The following SLC50A1 variants were observed in gnomAD, a reference collection of about 807,000 sequenced individuals.
SLC50A1 encodes the protein sugar transporter SWEET1.
A neutral mutation model predicts 28.9 loss-of-function variants in SLC50A1; 22 were observed. The observed-to-expected ratio is 0.76, with a 90% CI of 0.54 to 1.09. The LOEUF is 1.09. Ranked by LOEUF, SLC50A1 falls within the 50% of genes least tolerant of loss-of-function variation. The pLI is 0.00. For synonymous variants in SLC50A1, 96 were observed against 110.6 expected (o/e 0.87, Z 0.83); for missense variants, 233 against 273.4 (o/e 0.85, Z 1.04).
chr1:155,137,655 T>A lies in SLC50A1; in HGVS notation c.377T>A (p.Leu126His). The A allele has an allele frequency of 6.2e-7, 1 of 1,614,194 alleles. No homozygotes were observed. Among genetic ancestry groups the A allele is most frequent in the Non-Finnish European group, 8.5e-7 (1 of 1,180,030 alleles). The change falls in exon 4 of 6, where the codon CTT (leucine) becomes CAT (histidine). Residue 126 changes from leucine to histidine, a missense_variant. Physicochemically the swap from Leu to His is moderately conservative, Grantham distance 99. Coordinates refer to ENST00000368404, the MANE Select transcript of SLC50A1 (RefSeq NM_018845.4). ...WLLVPNPEAR[L>H]QQLGLFCSVF... is the part of the protein sequence containing the mutation. ...CTGGTACCCAACCCTGAGGCCCGGC[T>A]TCAGCAGTTGGGCCTCTTCTGCAGT... is the stretch of plus-strand genomic sequence containing the variant.
intron 1 of SLC50A1, 80 bp downstream of exon 1, chr1:155,136,071 C>A: frequency 6.5e-7 from 1 of 1,530,954 alleles, no homozygotes; most frequent in Non-Finnish European, 8.9e-7. Flanking sequence ...GTGGCCACAG[C>A]ACCTGGCTCG....
chr1:155,135,387 T>C (rs907762234), upstream of SLC50A1: 6 of 526,880 alleles, frequency 1.1e-5, no homozygotes, highest in African/African-American at 1.2e-4. Flanking sequence ...TTCCTGGTAA[T>C]GTGTTATTTT....
chr1:155,137,208 G>C, intron 3 of SLC50A1: 1 of 565,078 alleles, frequency 1.8e-6, no homozygotes, highest in Non-Finnish European at 3.1e-6. Flanking sequence ...AACAAGCTAA[G>C]GGGAAAGGGC....
chr1:155,137,102 C>A, intron 3 of SLC50A1, 151 bp downstream of exon 3: 1 of 1,023,752 alleles, frequency 9.8e-7, no homozygotes, highest in Non-Finnish European at 1.4e-6. Context: ...CTCTATGAAG[C>A]CAGCCTTCTG....
At chr1:155,136,440 G>A (rs1367709060) in intron 2 of SLC50A1, 64 bp downstream of exon 2, 3 of 1,486,308 alleles carry the variant, frequency 2.0e-6, no homozygotes, top group African/African-American at 2.8e-5. Context: ...CGGGGCAGGA[G>A]GAGCAAGAGT....
chr1:155,135,412 G>A (rs1664375158), upstream of SLC50A1: 1 of 592,634 alleles, frequency 1.7e-6, no homozygotes, highest in Non-Finnish European at 2.9e-6. Context: ...AAAAGCTTCG[G>A]CAGCACACTC....
At position 155,136,911 on chromosome 1, in the gene SLC50A1, C is replaced by T. The variant is rs1431723158; in HGVS notation, c.242C>T (p.Thr81Ile). ...AACACAGTGGGTGCTGCGCTTCAGA[C>T]CCTGTATATCTTGGCATATCTGCAT... ...VVNTVGAALQ[T>I]LYILAYLHYC... Residue 81 changes from threonine (T) to isoleucine (I), a missense_variant, in exon 3 of 6, where the codon ACC becomes ATC. Physicochemically the swap from Thr to Ile is moderately conservative, Grantham distance 89. Transcript: ENST00000368404. 6.2e-7 allele frequency: 1 copy of T among 1,614,082 alleles called. No individual in the cohort carries two copies. Among genetic ancestry groups the T allele is most frequent in the Non-Finnish European group, 8.5e-7 (1 of 1,180,040 alleles).
rs1235253587 is a variant in SLC50A1, at chr1:155,138,469, C to T, written c.*188C>T. The T allele has an allele frequency of 3.4e-6, 2 of 579,742 alleles. No homozygotes were observed. Among genetic ancestry groups the T allele is most frequent in the African/African-American group, 3.7e-5 (2 of 53,512 alleles). The allele number at this position is 579,742 out of a possible 1,614,324, so 35.9% of individuals were successfully genotyped here. On this transcript the variant is annotated 3_prime_UTR_variant, in exon 6 of 6. Transcript: ENST00000368404. ...TTGATTGGGGCCTAGGAGATGAAAT[C>T]ACTTTTTATTTTTTAGAGATTTTTT...
chr1:155,137,225 C>T (rs993824817), intron 3 of SLC50A1: 2 of 551,934 alleles, frequency 3.6e-6, no homozygotes, highest in Non-Finnish European at 6.5e-6. Flanking sequence ...GGGCTTTTGT[C>T]TCTGATATTT....
At chr1:155,136,458 G>A in intron 2 of SLC50A1, 82 bp downstream of exon 2, 3 of 1,366,308 alleles carry the variant, frequency 2.2e-6, no homozygotes, top group Admixed American at 1.9e-5. Context: ...AGTGAAAGAG[G>A]TTTGGCCGGG....
intron 4 of SLC50A1, 61 bp from the exon 5 acceptor site, chr1:155,137,918 T>G: frequency 1.2e-6 from 2 of 1,611,524 alleles, no homozygotes; most frequent in Non-Finnish European, 1.7e-6. Context: ...GAGGAAATTC[T>G]TAGGCAAGTG....
intron 2 of SLC50A1, chr1:155,136,616 G>A: frequency 4.1e-6 from 3 of 731,512 alleles, no homozygotes; most frequent in East Asian, 5.5e-5. Context: ...GGTGCCGGGC[G>A]CCTGTAGTCC....
At position 155,138,070 on chromosome 1, in the gene SLC50A1, G is replaced by T; in HGVS notation, c.536G>T (p.Gly179Val). The change falls in exon 5 of 6, where the codon GGG (glycine) becomes GTG (valine). Residue 179 changes from glycine (G) to valine (V), a missense_variant. By Grantham distance (109) the Gly-to-Val change is moderately radical. Transcript: ENST00000368404. Reference protein sequence around the residue: ...LLTSASWCLYGFRLRDPYIMV... With the variant: ...LLTSASWCLYVFRLRDPYIMV... Reference sequence around the variant, plus strand: ...ACCTCTGCCTCCTGGTGCCTCTATGGGTTTCGACTCAGAGATCCCTATATC... The same window carrying T: ...ACCTCTGCCTCCTGGTGCCTCTATGTGTTTCGACTCAGAGATCCCTATATC... 1 of 1,614,068 alleles carries T rather than the reference G, an allele frequency of 6.2e-7. No individual in the cohort carries two copies.
chr1:155,136,501 T>G (rs1388311395), intron 2 of SLC50A1, 125 bp downstream of exon 2: 1 of 892,232 alleles, frequency 1.1e-6, no homozygotes, highest in Non-Finnish European at 1.8e-6. Context: ...CCCTGCACTT[T>G]GGGAGGCCGA....
upstream of SLC50A1, chr1:155,135,499 G>A: frequency 7.7e-7 from 1 of 1,293,510 alleles, no homozygotes; most frequent in Non-Finnish European, 1.0e-6. Flanking sequence ...CTGAAGTCTT[G>A]TTAAACTAGC....
At position 155,136,286 on chromosome 1, in the gene SLC50A1, G is replaced by A. The variant is rs1318201659; in HGVS notation, c.81-13G>A. The A allele has an allele frequency of 6.3e-7, 1 of 1,591,756 alleles. No individual in the cohort carries two copies. Among genetic ancestry groups the A allele is most frequent in the South Asian group, 1.1e-5 (1 of 88,712 alleles). On this transcript the variant is annotated splice_polypyrimidine_tract_variant and intron_variant, in intron 1 of 5. Transcript: ENST00000368404. ...TTCCCACCCCCACCCCTCCCTTCGG[G>A]GCCCCATTACAGCTCGGACCTCAGG...
rs142856046 is a variant in SLC50A1 at position 155,135,923 on chromosome 1, C to T, written c.12C>T (p.Gly4=). Reference sequence around the variant, plus strand: ...CGACTCTAGTCGTAATGGAGGCGGGCGGCTTTCTGGACTCGCTCATTTACG... The same window carrying T: ...CGACTCTAGTCGTAATGGAGGCGGGTGGCTTTCTGGACTCGCTCATTTACG... The part of the protein sequence containing the change: MEA[G]GFLDSLIYGA... The change falls in exon 1 of 6, where the codon GGC becomes GGT. Residue 4 remains glycine (G), a synonymous_variant. Coordinates refer to ENST00000368404, the MANE Select transcript of SLC50A1 (RefSeq NM_018845.4). 383 of 1,612,280 alleles carry T rather than the reference C, an allele frequency of 2.4e-4. 3 individuals are homozygous for T. The African/African-American group carries it at 4.7e-3, about 20-fold the overall frequency.
chr1:155,136,283 CG>C lies in SLC50A1; in HGVS notation c.81-12del. On this transcript the variant is annotated splice_polypyrimidine_tract_variant and intron_variant, in intron 1 of 5. Coordinates refer to ENST00000368404, the MANE Select transcript of SLC50A1 (RefSeq NM_018845.4). ...CCCTTCCCACCCCCACCCCTCCCTT[CG>C]GGGCCCCATTACAGCTCGGACCTCA... 3 of 1,569,514 alleles carry C rather than the reference CG, an allele frequency of 1.9e-6. No homozygotes were observed. Among genetic ancestry groups the C allele is most frequent in the Non-Finnish European group, 2.6e-6 (3 of 1,146,676 alleles).
In SLC50A1 at chr1:155,136,386, C is replaced by A; in HGVS notation, c.158+10C>A. The A allele has an allele frequency of 6.2e-7, 1 of 1,608,830 alleles. No individual in the cohort carries two copies. ...TCACCACGGAAGTCAAGTGAGGGGC[C>A]GACGGCTGCGGTAGTGGGAAAGGCT... On this transcript the variant is annotated intron_variant, in intron 2 of 5. Transcript: ENST00000368404.
Sources: allele counts gnomAD v4.1 joint callset, GRCh38; gene constraint gnomAD v4.1.1; transcripts MANE v1.5; gene names NCBI Gene and HGNC (gene_info 2026-07-23, HGNC 2026-07-21).